MRPS22: variants seen among roughly 807,000 people sequenced by gnomAD.
MRPS22 encodes the protein mitochondrial ribosomal protein S22.
In MRPS22, 30 loss-of-function variants were observed where a neutral mutation model predicts 44.0. The observed-to-expected ratio is 0.68, with a 90% confidence interval of 0.51 to 0.93. MRPS22 has a LOEUF of 0.93. MRPS22 is among the 40% of genes least tolerant of loss of function. MRPS22 has a pLI of 0.00. For synonymous variants in MRPS22, 165 were observed against 154.4 expected, an observed-to-expected ratio of 1.07 and a Z score of -0.51; for missense variants, 447 against 447.8, an observed-to-expected ratio of 1.00 and a Z score of 0.02.
intron 4 of MRPS22, 84 bp from the exon 5 acceptor site, chr3:139,350,892 TG>T: frequency 2.0e-6 from 2 of 1,000,498 alleles, no homozygotes; most frequent in Non-Finnish European, 3.2e-6. Context: ...GGCCAGTATG[TG>T]GGTGGGCAGG....
At chr3:139,354,226 C>G (rs1941203713) in intron 6 of MRPS22, among the ~76,000 whole-genome samples, 1 of 152,220 alleles carries the variant, frequency 6.6e-6, no homozygotes, top group Non-Finnish European at 1.5e-5. Flanking sequence ...ATTCCAGACT[C>G]AGTTCCCACT....
At chr3:139,350,911 T>G in intron 4 of MRPS22, 66 bp from the exon 5 acceptor site, 3 of 1,314,750 alleles carry the variant, frequency 2.3e-6, no homozygotes, top group Non-Finnish European at 3.3e-6. Flanking sequence ...AGGCCTGTCA[T>G]GACATCAGGA....
intron 7 of MRPS22, among the ~76,000 whole-genome samples, chr3:139,356,596 T>C (rs1413830564): frequency 6.6e-6 from 1 of 152,236 alleles, no homozygotes; most frequent in African/African-American, 2.4e-5. Context: ...GTTTGGTAAC[T>C]CTTAGCCTCC....
chr3:139,350,402 C>T, intron 4 of MRPS22, 80 bp downstream of exon 4: 5 of 1,476,122 alleles, frequency 3.4e-6, no homozygotes, highest in Admixed American at 1.8e-5. Flanking sequence ...TGCCTTGATC[C>T]AGATAAACAT....
Position 139,352,670 on chromosome 3 carries a change from T to C in MRPS22, c.756T>C (p.Asp252=). Residue 252 remains aspartate (D), a synonymous_variant, in exon 6 of 8, where the codon GAT becomes GAC. Coordinates refer to ENST00000680020, the MANE Select transcript of MRPS22 (RefSeq NM_020191.4). ...YIKVHHKTYE[D]IDKRGKYDLL... Reference sequence around the variant, plus strand: ...AGGTTCATCACAAGACCTATGAAGATATAGATAAACGTGGAAAATATGACC... The same window carrying C: ...AGGTTCATCACAAGACCTATGAAGACATAGATAAACGTGGAAAATATGACC... 1 of 1,613,474 alleles carries C rather than the reference T, an allele frequency of 6.2e-7. No individual in the cohort carries two copies. Among genetic ancestry groups the C allele is most frequent in the Non-Finnish European group, 8.5e-7 (1 of 1,179,462 alleles).
chr3:139,352,573 A>G, intron 5 of MRPS22, 74 bp from the exon 6 acceptor site: 1 of 1,357,824 alleles, frequency 7.4e-7, no homozygotes, highest in Admixed American at 1.7e-5. Flanking sequence ...CACTCATGCT[A>G]ATCAGTGTAC....
chr3:139,344,996 G>A (rs1387464437), intron 1 of MRPS22, among the ~76,000 whole-genome samples: 2 of 152,172 alleles, frequency 1.3e-5, no homozygotes, highest in Non-Finnish European at 2.9e-5. Context: ...TAAATATAAA[G>A]TGAGGAACAT....
Position 139,348,343 on chromosome 3 carries a change from G to A in MRPS22, c.504+19G>A, listed in dbSNP as rs755818329. On this transcript the variant is annotated intron_variant, in intron 3 of 7. Transcript: ENST00000680020. The stretch of plus-strand genomic sequence containing the variant: ...ACACCGGGTGAGTATATGTCTAATC[G>A]CAAAATGATCTTTCTTTGAAATACT... 11 of 1,610,630 alleles carry A rather than the reference G, an allele frequency of 6.8e-6. No individual in the cohort carries two copies. In the South Asian group the frequency reaches 9.9e-5, roughly 14 times the overall value.
rs529331710 is a variant in MRPS22 at position 139,350,470 on chromosome 3, C to G, written c.648+148C>G. 8.3e-5 allele frequency: 72 copies of G among 869,128 alleles called. No individual in the cohort carries two copies. The East Asian group carries it at 1.8e-3, about 22-fold the overall frequency. 53.8% of individuals were successfully genotyped at this position (869,128 alleles called of 1,614,324 possible). ...GAAATGGAGTTTCGCTCCTTTTGCC[C>G]AGGCTGAAGTGCAGTGGCGGGATCT... On this transcript the variant is annotated intron_variant, in intron 4 of 7. Coordinates refer to ENST00000680020, the MANE Select transcript of MRPS22 (RefSeq NM_020191.4).
chr3:139,356,886 ATTG>A (rs746826889), intron 7 of MRPS22, 30 bp from the exon 8 acceptor site: 7 of 1,492,994 alleles, frequency 4.7e-6, no homozygotes, highest in African/African-American at 2.8e-5. Flanking sequence ...CATATGTCCT[ATTG>A]TTTTAAAATT....
chr3:139,357,016 A>G lies in MRPS22; in HGVS notation c.*2A>G. 1 of 1,596,262 alleles carries G rather than the reference A, an allele frequency of 6.3e-7. No individual in the cohort carries two copies. Among genetic ancestry groups the G allele is most frequent in the African/African-American group, 1.3e-5 (1 of 74,482 alleles). ...AGTCGCCATTCTGCAGCTTCCTAAA[A>G]ATATTTTAAAAATACATTTATTTTA... On this transcript the variant is annotated 3_prime_UTR_variant, in exon 8 of 8. Coordinates refer to ENST00000680020, the MANE Select transcript of MRPS22 (RefSeq NM_020191.4).
Position 139,347,026 on chromosome 3 carries a change from T to C in MRPS22, c.321T>C (p.Thr107=), listed in dbSNP as rs150391961. ...AGCCACCAACCTATAAGCTAATGAC[T>C]CAGGCACAGTTGGAAGAGGTACGTG... is the stretch of plus-strand genomic sequence containing the variant. The part of the protein sequence containing the change: ...ELKPPTYKLM[T]QAQLEEATRQ... The change falls in exon 2 of 8, where the codon ACT becomes ACC. Residue 107 remains threonine, a synonymous_variant. Transcript: ENST00000680020. 201 of 1,614,168 alleles carry C rather than the reference T, an allele frequency of 1.2e-4. 3 individuals are homozygous for C. In the Middle Eastern group the frequency reaches 2.0e-3, roughly 16 times the overall value.
rs1416064023 is a variant in MRPS22 at position 139,352,938 on chromosome 3, C to G, written c.878+146C>G. 1.5e-5 allele frequency: 13 copies of G among 848,578 alleles called. No individual in the cohort carries two copies. The South Asian group carries it at 1.8e-4, about 12-fold the overall frequency. The allele number at this position is 848,578 out of a possible 1,614,324, so 52.6% of individuals were successfully genotyped here. On this transcript the variant is annotated intron_variant, in intron 6 of 7. Transcript: ENST00000680020. ...TTATGGATTTGTTCTTTTAGTATAA[C>G]CTAGCTCTCCTAGTTTTTGCTTTTA...
chr3:139,349,224 A>G (rs1941102740), intron 3 of MRPS22: 1 of 423,210 alleles, frequency 2.4e-6, no homozygotes, highest in African/African-American at 2.1e-5. Context: ...TTGTAACTTG[A>G]AAAGGAGAAA....
In MRPS22 at chr3:139,350,585, G is replaced by A. The variant is rs184931122; in HGVS notation, c.648+263G>A. On this transcript the variant is annotated intron_variant, in intron 4 of 7. Coordinates refer to ENST00000680020, the MANE Select transcript of MRPS22 (RefSeq NM_020191.4). ...TGGGATTACAGGCGCCCGCCACCACGCTTGGCTAATTTTTGTATTTTTAGT... is the reference window on the plus strand; with the variant it reads ...TGGGATTACAGGCGCCCGCCACCACACTTGGCTAATTTTTGTATTTTTAGT... 15 of 458,348 alleles carry A rather than the reference G, an allele frequency of 3.3e-5. No homozygotes were observed. In the East Asian group the frequency reaches 3.6e-4, roughly 11 times the overall value. The allele number at this position is 458,348 out of a possible 1,614,324, so 28.4% of individuals were successfully genotyped here.
intron 3 of MRPS22, 55 bp downstream of exon 3, chr3:139,348,379 G>A (rs1941086837): frequency 6.4e-7 from 1 of 1,568,722 alleles, no homozygotes. Flanking sequence ...ATGTGGAGAA[G>A]GGCTTGAGAG....
At chr3:139,349,359 A>G (rs546630653) in intron 3 of MRPS22, 83 of 449,358 alleles carry the variant, frequency 1.8e-4, no homozygotes, top group African/African-American at 1.6e-3. Flanking sequence ...TGTTATCTTC[A>G]GAACACATTT....
In MRPS22 at chr3:139,352,707, A is replaced by G. The variant is rs752701558; in HGVS notation, c.793A>G (p.Thr265Ala). 1 of 1,613,648 alleles carries G rather than the reference A, an allele frequency of 6.2e-7. No individual in the cohort carries two copies. The highest frequency in any genetic ancestry group is 1.1e-5 in the South Asian group (1 of 91,072). The change falls in exon 6 of 8, where the codon ACA (threonine) becomes GCA (alanine). Residue 265 changes from threonine to alanine, a missense_variant. Physicochemically the swap from Thr to Ala is moderately conservative, Grantham distance 58 (BLOSUM62 0). Coordinates refer to ENST00000680020, the MANE Select transcript of MRPS22 (RefSeq NM_020191.4). ...TGGAAAATATGACCTTTTACGTTCA[A>G]CAAGATACTTTGGTGGAATGGTGTG... ...KRGKYDLLRS[T>A]RYFGGMVWYF...
chr3:139,346,827 T>C, intron 1 of MRPS22, 51 bp from the exon 2 acceptor site: 1 of 1,598,886 alleles, frequency 6.3e-7, no homozygotes, highest in South Asian at 1.1e-5. Context: ...TTTAGAGGTC[T>C]TGTTAGCTTG....
Sources: allele counts gnomAD v4.1 joint callset (sites outside exome capture counted in the v4.1 genomes callset), GRCh38; gene constraint gnomAD v4.1.1; transcripts MANE v1.5; gene names NCBI Gene and HGNC (gene_info 2026-07-23, HGNC 2026-07-21).